The following BNC2 variants were observed in gnomAD, a reference collection of about 807,000 sequenced individuals.
BNC2 encodes basonuclin zinc finger protein 2.
In BNC2, 20 loss-of-function variants were observed where a neutral mutation model predicts 76.3. The observed-to-expected ratio is 0.26, with a 90% CI of 0.18 to 0.38. The LOEUF is 0.38. Ranked by LOEUF, BNC2 falls within the 10% of genes least tolerant of loss-of-function variation. The pLI is 1.00. For missense variants in BNC2, 1,382 were observed against 1,399.8 expected (o/e 0.99, Z 0.20); for synonymous variants, 582 against 514.8 (o/e 1.13, Z -1.77).
At chr9:16,512,888 C>A (rs1822791563) in intron 5 of BNC2, among the ~76,000 whole-genome samples, 1 of 149,828 alleles carries the variant, frequency 6.7e-6, no homozygotes, top group Non-Finnish European at 1.5e-5. Flanking sequence ...GAAATCCAAA[C>A]ACTTTGGGAG....
At chr9:16,762,910 G>A (rs1310717232) in intron 1 of BNC2, among the ~76,000 whole-genome samples, 3 of 152,148 alleles carry the variant, frequency 2.0e-5, no homozygotes, top group Admixed American at 2.0e-4. Flanking sequence ...ATGGATTGAA[G>A]CATCCCTATG....
At chr9:16,735,662 A>G (rs148806495) in intron 2 of BNC2, among the ~76,000 whole-genome samples, 63 of 151,688 alleles carry the variant, frequency 4.2e-4, no homozygotes, top group African/African-American at 1.5e-3. Context: ...ACCCCCGGCT[A>G]ATTTTTGTAT....
intron 3 of BNC2, among the ~76,000 whole-genome samples, chr9:16,678,477 C>T (rs972928199): frequency 6.6e-6 from 1 of 151,416 alleles, no homozygotes; most frequent in African/African-American, 2.4e-5. Flanking sequence ...CACCATGTTG[C>T]CCAGGCTGCT....
intron 3 of BNC2, among the ~76,000 whole-genome samples, chr9:16,662,388 GAT>G (rs1423358906): frequency 6.6e-6 from 1 of 152,140 alleles, no homozygotes; most frequent in East Asian, 1.9e-4. Context: ...AATAAATACT[GAT>G]TACAATGAGG....
At chr9:16,658,109 G>A (rs1402735313) in intron 3 of BNC2, among the ~76,000 whole-genome samples, 1 of 152,280 alleles carries the variant, frequency 6.6e-6, no homozygotes, top group Non-Finnish European at 1.5e-5. Flanking sequence ...ATTTGCAAGG[G>A]AATGGGGACA....
At chr9:16,635,351 G>C (rs1821291877) in intron 3 of BNC2, among the ~76,000 whole-genome samples, 1 of 152,074 alleles carries the variant, frequency 6.6e-6, no homozygotes. Flanking sequence ...TACTGATTTT[G>C]TTTATTTACT....
In BNC2 at chr9:16,695,535, CTTTT is replaced by C. The variant is rs35589107; in HGVS notation, c.330+32258_330+32261del. 2.9e-3 allele frequency among the ~76,000 whole-genome samples: 371 copies of C among 126,974 alleles called. 1 individual carries two copies. The highest frequency in any genetic ancestry group is 8.1e-3 in the Middle Eastern group (2 of 248). 83.3% of individuals were successfully genotyped at this position (126,974 alleles called of 152,430 possible). A position where few individuals can be genotyped will look rare whatever the true frequency, so the allele number is the denominator to read the frequency against. ...TAGCTAAATTTTTTTCTTTTTCTTTCTTTTTTTTTTTTTTTTTTGATAAAAATGG... is the reference window on the plus strand; with the variant it reads ...TAGCTAAATTTTTTTCTTTTTCTTTCTTTTTTTTTTTTTTGATAAAAATGG... On this transcript the variant is annotated intron_variant, in intron 3 of 6. Transcript: ENST00000380672.
chr9:16,833,916 C>T (rs1489132256), intron 1 of BNC2, among the ~76,000 whole-genome samples: 1 of 152,150 alleles, frequency 6.6e-6, no homozygotes. Context: ...TTACAATGGC[C>T]TGTCCACACC....
At chr9:16,796,761 T>G (rs1817665904) in intron 1 of BNC2, among the ~76,000 whole-genome samples, 2 of 152,224 alleles carry the variant, frequency 1.3e-5, no homozygotes, top group African/African-American at 2.4e-5. Context: ...ATTTGACAAA[T>G]CTTTATAAAT....
At chr9:16,649,901 C>T (rs1004450582) in intron 3 of BNC2, among the ~76,000 whole-genome samples, 2 of 152,156 alleles carry the variant, frequency 1.3e-5, no homozygotes, top group Non-Finnish European at 2.9e-5. Context: ...TATGGAGACA[C>T]AGAGGCCTTC....
At chr9:16,678,871 G>A (rs1439337483) in intron 3 of BNC2, among the ~76,000 whole-genome samples, 3 of 152,102 alleles carry the variant, frequency 2.0e-5, no homozygotes, top group South Asian at 4.1e-4. Flanking sequence ...GGTAGTGCCT[G>A]AAAATTACAA....
At chr9:16,705,449 C>A (rs1019897857) in intron 3 of BNC2, among the ~76,000 whole-genome samples, 4 of 151,912 alleles carry the variant, frequency 2.6e-5, no homozygotes, top group Admixed American at 2.0e-4. Flanking sequence ...TGACCCCTGA[C>A]CCCTTGCATT....
chr9:16,804,288 T>C (rs916788098), intron 1 of BNC2, among the ~76,000 whole-genome samples: 29 of 152,212 alleles, frequency 1.9e-4, no homozygotes, highest in African/African-American at 7.2e-5. Flanking sequence ...CACATGCAAA[T>C]ACACAATCCC....
At chr9:16,591,230 C>T (rs1029910024) in intron 3 of BNC2, among the ~76,000 whole-genome samples, 5 of 152,190 alleles carry the variant, frequency 3.3e-5, no homozygotes, top group Non-Finnish European at 7.3e-5. Context: ...TGGACAACTA[C>T]TAAGCTTACT....
At chr9:16,458,966 T>C (rs1354140315) in intron 5 of BNC2, among the ~76,000 whole-genome samples, 1 of 152,166 alleles carries the variant, frequency 6.6e-6, no homozygotes, top group Non-Finnish European at 1.5e-5. Flanking sequence ...GCACCCCTGT[T>C]GAGGAGGGAC....
intron 3 of BNC2, among the ~76,000 whole-genome samples, chr9:16,688,322 C>A (rs896046404): frequency 6.6e-6 from 1 of 152,146 alleles, no homozygotes; most frequent in African/African-American, 2.4e-5. Context: ...TCTCATTCCA[C>A]CTTTTGATTT....
Position 16,737,911 on chromosome 9 carries a change from T to C in BNC2, c.129+449A>G, listed in dbSNP as rs547892286. Among the ~76,000 whole-genome samples, 35 of 152,262 alleles carry C rather than the reference T, an allele frequency of 2.3e-4. No homozygotes were observed. The South Asian group carries it at 5.0e-3, about 22-fold the overall frequency. On this transcript the variant is annotated intron_variant, in intron 2 of 6. Coordinates refer to ENST00000380672, the MANE Select transcript of BNC2 (RefSeq NM_017637.6). ...TTGGTGGTCCTGGGTATATTCAGTG[T>C]GTAAAATTTATCAGGCTATACACTT...
chr9:16,732,162 A>AAAAAAAAAAAAAAAG (rs59888253), intron 2 of BNC2, among the ~76,000 whole-genome samples: 47,219 of 122,486 alleles, frequency 0.39, 11,099 homozygotes, highest in Non-Finnish European at 0.57. Context: ...TCCTGCAAAA[A>AAAAAAAAAAAAAAAG]AAAAAGAAAA....
chr9:16,776,091 C>G (rs1825958559), intron 1 of BNC2, among the ~76,000 whole-genome samples: 1 of 152,152 alleles, frequency 6.6e-6, no homozygotes, highest in African/African-American at 2.4e-5. Flanking sequence ...TCCGTATTAC[C>G]TACCCCTCAA....
Sources: allele counts gnomAD v4.1 joint callset (sites outside exome capture counted in the v4.1 genomes callset), GRCh38; gene constraint gnomAD v4.1.1; transcripts MANE v1.5; gene names NCBI Gene and HGNC (gene_info 2026-07-23, HGNC 2026-07-21).